The following TRAPPC11 variants were observed in gnomAD, a reference collection of about 807,000 sequenced individuals.
TRAPPC11 encodes foie gras homolog.
TRAPPC11 carries 104 observed loss-of-function variants against 151.2 expected under a neutral mutation model. The observed-to-expected ratio is 0.69, with a 90% CI of 0.59 to 0.81. The LOEUF is 0.81. TRAPPC11 is among the 30% of genes least tolerant of loss of function. TRAPPC11 has a pLI of 0.00. For missense variants in TRAPPC11, 1,230 were observed against 1,349.6 expected (o/e 0.91, Z 1.39); for synonymous variants, 456 against 472.3 (o/e 0.97, Z 0.45).
intron 19 of TRAPPC11, among the ~76,000 whole-genome samples, chr4:183,691,758 A>G (rs973711561): frequency 2.6e-5 from 4 of 152,116 alleles, no homozygotes; most frequent in Non-Finnish European, 5.9e-5. Context: ...ATTTCTTGTT[A>G]GTATATAAAC....
chr4:183,703,224 A>G (rs1339035379), intron 26 of TRAPPC11, among the ~76,000 whole-genome samples: 1 of 152,216 alleles, frequency 6.6e-6, no homozygotes, highest in African/African-American at 2.4e-5. Context: ...TTTGGTCTCA[A>G]GACTCCTTTA....
chr4:183,697,763 A>G lies in TRAPPC11; in HGVS notation c.2779A>G (p.Ile927Val), dbSNP rs896056101. Residue 927 changes from isoleucine (I) to valine (V), a missense_variant, in exon 25 of 30, where the codon ATT (isoleucine) becomes GTT (valine). Ile to Val is a conservative substitution (Grantham distance 29, BLOSUM62 3). Transcript: ENST00000334690. ...AAGTGCCTCACCCTGGGCCCTCACT[A>G]TTGTTTCCAGTGAGCTCCAGCTTGC... is the stretch of plus-strand genomic sequence containing the variant. The part of the protein sequence containing the change: ...LLSASPWALT[I>V]VSSELQLAPS... 12 of 1,613,818 alleles carry G rather than the reference A, an allele frequency of 7.4e-6. No individual in the cohort carries two copies. Among genetic ancestry groups the G allele is most frequent in the South Asian group, 4.4e-5 (4 of 91,082 alleles).
At chr4:183,675,694 T>C (rs1735375440) in intron 7 of TRAPPC11, 1 of 152,416 alleles carries the variant, frequency 6.6e-6, no homozygotes, top group Admixed American at 6.5e-5. Flanking sequence ...AATTTTAGCA[T>C]ATATGCTGCT....
intron 11 of TRAPPC11, among the ~76,000 whole-genome samples, 177 bp downstream of exon 11, chr4:183,683,002 C>T (rs951048282): frequency 2.6e-5 from 4 of 152,066 alleles, no homozygotes; most frequent in African/African-American, 9.7e-5. Flanking sequence ...CTTAGAGTGA[C>T]TTATAATTAA....
At chr4:183,695,613 T>A (rs1736500186) in intron 23 of TRAPPC11, among the ~76,000 whole-genome samples, 1 of 152,188 alleles carries the variant, frequency 6.6e-6, no homozygotes, top group African/African-American at 2.4e-5. Context: ...ATTATGATAT[T>A]TGGTATCTTC....
chr4:183,695,986 G>A (rs1367623394), intron 23 of TRAPPC11, among the ~76,000 whole-genome samples: 1 of 152,128 alleles, frequency 6.6e-6, no homozygotes, highest in Non-Finnish European at 1.5e-5. Context: ...TAAAGAGACT[G>A]CATGAGTTGA....
chr4:183,684,648 A>G (rs368874665), intron 14 of TRAPPC11, 48 bp from the exon 15 acceptor site: 5 of 1,596,876 alleles, frequency 3.1e-6, no homozygotes, highest in Non-Finnish European at 3.4e-6. Context: ...AACTCTTCGA[A>G]CCCTTTCTTG....
chr4:183,705,117 A>G (rs1736992512), intron 27 of TRAPPC11, 47 bp downstream of exon 27: 2 of 1,296,032 alleles, frequency 1.5e-6, no homozygotes, highest in Non-Finnish European at 2.2e-6. Flanking sequence ...CAATAATAAT[A>G]GTTATTTTAA....
chr4:183,661,836 A>C (rs1255287208), intron 1 of TRAPPC11, among the ~76,000 whole-genome samples: 2 of 133,694 alleles, frequency 1.5e-5, no homozygotes, highest in African/African-American at 5.8e-5. Context: ...ATCATAGTTC[A>C]CTGTAACTTT....
At chr4:183,680,090 T>C in intron 9 of TRAPPC11, 30 bp from the exon 10 acceptor site, 1 of 1,582,096 alleles carries the variant, frequency 6.3e-7, no homozygotes, top group Non-Finnish European at 8.6e-7. Flanking sequence ...TTTTCATTCC[T>C]CTTTATTTCT....
At chr4:183,660,870 T>C (rs12651378) in intron 1 of TRAPPC11, among the ~76,000 whole-genome samples, 20,340 of 151,816 alleles carry the variant, frequency 0.13, 2,489 homozygotes, top group East Asian at 0.61. Context: ...CGCATCACCA[T>C]GCCCGGCTAA....
At chr4:183,690,891 C>G (rs755999689) in intron 18 of TRAPPC11, among the ~76,000 whole-genome samples, 1 of 152,022 alleles carries the variant, frequency 6.6e-6, no homozygotes, top group African/African-American at 2.4e-5. Context: ...TCCCTTGGGT[C>G]CAAAAGGTTG....
rs775673359 is a variant in TRAPPC11 at position 183,685,113 on chromosome 4, C to T, written c.1597C>T (p.Arg533Trp). 1.2e-5 allele frequency: 20 copies of T among 1,613,712 alleles called. No individual in the cohort carries two copies. Among genetic ancestry groups the T allele is most frequent in the South Asian group, 5.5e-5 (5 of 91,014 alleles). ...ASTLKDDQKS[R>W]IEKNLINVLM... ...AACTCTGAAAGATGACCAGAAGTCT[C>T]GGATAGAAAAGAACCTCATAAATGT... The change falls in exon 16 of 30, where the codon CGG (arginine) becomes TGG (tryptophan). Residue 533 changes from arginine to tryptophan, a missense_variant. Transcript: ENST00000334690.
Position 183,680,251 on chromosome 4 carries a change from C to T in TRAPPC11, c.1097C>T (p.Thr366Ile). The part of the protein sequence containing the change: ...YAQERKQLAK[T>I]LCNHEASVMY... ...CAGGAGCGGAAACAGCTTGCAAAAA[C>T]CCTCTGTAACCACGAAGTAAGTTAC... The change falls in exon 10 of 30, where the codon ACC becomes ATC. Residue 366 changes from threonine (T) to isoleucine (I), a missense_variant. Transcript: ENST00000334690. 6.2e-7 allele frequency: 1 copy of T among 1,613,690 alleles called. No individual in the cohort carries two copies. Among genetic ancestry groups the T allele is most frequent in the Non-Finnish European group, 8.5e-7 (1 of 1,179,888 alleles).
rs1020680380 is a variant in TRAPPC11 at position 183,694,020 on chromosome 4, C to T, written c.2490C>T (p.Asp830=). The stretch of plus-strand genomic sequence containing the variant: ...TACTCACTGACATTCCTGTTGGAGA[C>T]TTACATCCAGGGGAACAGGTAAACT... ...PALLTDIPVG[D]LHPGEQLEKM... is the part of the protein sequence containing the mutation. Residue 830 remains aspartate, a synonymous_variant, in exon 22 of 30, where the codon GAC becomes GAT. Transcript: ENST00000334690. 5.6e-6 allele frequency: 9 copies of T among 1,613,704 alleles called. No homozygotes were observed. The highest frequency in any genetic ancestry group is 4.0e-5 in the African/African-American group (3 of 74,906).
intron 2 of TRAPPC11, among the ~76,000 whole-genome samples, chr4:183,665,150 T>A (rs13128563): frequency 0.094 from 13,568 of 143,830 alleles, 743 homozygotes; most frequent in African/African-American, 0.14. Flanking sequence ...GCTGGAGTGC[T>A]GTGGCGCGAT....
intron 5 of TRAPPC11, among the ~76,000 whole-genome samples, chr4:183,673,758 G>A (rs764167794): frequency 7.9e-5 from 12 of 152,146 alleles, no homozygotes; most frequent in Non-Finnish European, 1.6e-4. Flanking sequence ...AAATATAATA[G>A]CTGATATTTA....
At chr4:183,695,001 T>C (rs1736463409) in intron 23 of TRAPPC11, among the ~76,000 whole-genome samples, 1 of 146,566 alleles carries the variant, frequency 6.8e-6, no homozygotes, top group Non-Finnish European at 1.5e-5. Flanking sequence ...CAGGCTGGAG[T>C]GCAGTGGCAC....
chr4:183,686,166 T>TTGC (rs1225130544), intron 17 of TRAPPC11, among the ~76,000 whole-genome samples: 2 of 152,156 alleles, frequency 1.3e-5, no homozygotes, highest in Non-Finnish European at 2.9e-5. Flanking sequence ...AGATAGAGCC[T>TTGC]TGCTCTGTCA....
Sources: gnomAD v4.1 joint callset for allele counts (sites outside exome capture counted in the v4.1 genomes callset) on GRCh38, gnomAD v4.1.1 for gene constraint, MANE v1.5 for transcripts, NCBI Gene and HGNC (gene_info 2026-07-23, HGNC 2026-07-21) for gene names.